The following CYTH1 variants were observed in gnomAD, a reference collection of about 807,000 sequenced individuals.
The protein encoded by CYTH1 is cytohesin 1.
CYTH1 carries 18 observed loss-of-function variants against 61.8 expected under a neutral mutation model. That is an observed-to-expected ratio of 0.29 (90% confidence interval 0.20 to 0.43). The LOEUF (loss-of-function observed/expected upper bound fraction) is 0.43. Among genes scored for constraint, CYTH1 ranks in the 20% least tolerant of loss-of-function variants. The pLI is 1.00. For synonymous variants in CYTH1, 174 were observed against 184.3 expected (o/e 0.94, Z 0.45); for missense variants, 336 against 510.5 (o/e 0.66, Z 3.29).
chr17:78,676,308 C>T lies in CYTH1; in HGVS notation c.1119-139G>A, dbSNP rs146850728. 1,870 of 722,956 alleles carry T rather than the reference C, an allele frequency of 2.6e-3. 27 individuals are homozygous for T. The African/African-American group carries it at 0.029, about 11-fold the overall frequency. 44.8% of individuals were successfully genotyped at this position (722,956 alleles called of 1,614,324 possible). A position where few individuals can be genotyped will look rare whatever the true frequency, so the allele number is the denominator to read the frequency against. On this transcript the variant is annotated intron_variant, in intron 13 of 13. Transcript: ENST00000446868. ...ACCATCACTGCAAAGGCCAAGTTAG[C>T]GTCCTCCACCCTTGCTGTGTCCACA...
intron 1 of CYTH1, among the ~76,000 whole-genome samples, chr17:78,749,383 C>G (rs1169084609): frequency 6.6e-6 from 1 of 152,096 alleles, no homozygotes; most frequent in Non-Finnish European, 1.5e-5. Flanking sequence ...TTGCTTGAAC[C>G]CAGGAGTCAG....
rs1178788272 is a variant in CYTH1 at position 78,760,401 on chromosome 17, ATATATGTG to A, written c.22+21793_22+21800del. Reference sequence around the variant, plus strand: ...TATATATATACACACACATACATATATATATGTGTATATATATATATATACACATACAT... The same window carrying A: ...TATATATATACACACACATACATATATATATATATATATATACACATACAT... On this transcript the variant is annotated intron_variant, in intron 1 of 13. Transcript: ENST00000446868. 7.9e-3 allele frequency among the ~76,000 whole-genome samples: 529 copies of A among 67,234 alleles called. 69 individuals are homozygous for A. Among genetic ancestry groups the A allele is most frequent in the Non-Finnish European group, 0.012 (377 of 32,724 alleles). The allele number at this position is 67,234 out of a possible 152,430, so 44.1% of individuals were successfully genotyped here.
chr17:78,711,954 C>T (rs971964296), intron 1 of CYTH1, among the ~76,000 whole-genome samples: 7 of 151,882 alleles, frequency 4.6e-5, no homozygotes, highest in Admixed American at 1.3e-4. Flanking sequence ...TGGCACATGC[C>T]TGTAGTTCCA....
intron 1 of CYTH1, among the ~76,000 whole-genome samples, chr17:78,735,521 C>A (rs1255052161): frequency 6.6e-6 from 1 of 152,232 alleles, no homozygotes; most frequent in Non-Finnish European, 1.5e-5. Flanking sequence ...TCACTACTGA[C>A]CCCTCTTCAG....
intron 10 of CYTH1, among the ~76,000 whole-genome samples, chr17:78,694,134 G>A (rs1333299469): frequency 2.6e-5 from 4 of 152,224 alleles, no homozygotes; most frequent in Non-Finnish European, 5.9e-5. Context: ...AATGTCCAGC[G>A]TAGGTCCTGG....
chr17:78,764,815 G>A (rs943383536), intron 1 of CYTH1, among the ~76,000 whole-genome samples: 3 of 152,076 alleles, frequency 2.0e-5, no homozygotes, highest in Non-Finnish European at 4.4e-5. Flanking sequence ...GCATGCACAT[G>A]GGATAGGGGA....
intron 1 of CYTH1, among the ~76,000 whole-genome samples, chr17:78,735,182 C>T (rs946147609): frequency 5.3e-5 from 8 of 152,176 alleles, no homozygotes; most frequent in Non-Finnish European, 1.0e-4. Context: ...TCTAAGCTCC[C>T]GGCCCCTAAC....
chr17:78,697,614 GA>G (rs397968699), intron 9 of CYTH1, among the ~76,000 whole-genome samples: 60 of 142,432 alleles, frequency 4.2e-4, no homozygotes, highest in Non-Finnish European at 5.5e-4. Flanking sequence ...AAAAAAAAAA[GA>G]AAAAAAAAAA....
intron 1 of CYTH1, among the ~76,000 whole-genome samples, chr17:78,765,451 A>T (rs536658208): frequency 6.6e-6 from 1 of 152,320 alleles, no homozygotes; most frequent in East Asian, 1.9e-4. Flanking sequence ...AAATCGCAGA[A>T]GTCTTTGTCA....
At chr17:78,767,877 T>C (rs2093455519) in intron 1 of CYTH1, among the ~76,000 whole-genome samples, 2 of 152,308 alleles carry the variant, frequency 1.3e-5, no homozygotes, top group South Asian at 4.1e-4. Flanking sequence ...TCAAACGTTC[T>C]CTTAATTTCA....
At chr17:78,775,180 G>A (rs751203743) in intron 1 of CYTH1, among the ~76,000 whole-genome samples, 5 of 152,328 alleles carry the variant, frequency 3.3e-5, no homozygotes, top group East Asian at 1.9e-4. Flanking sequence ...CACCTAACCC[G>A]GCACAGAAAC....
At chr17:78,727,715 T>C (rs1390738996) in intron 1 of CYTH1, 1 of 471,144 alleles carries the variant, frequency 2.1e-6, no homozygotes, top group Non-Finnish European at 4.4e-6. Flanking sequence ...GAGTGCATCC[T>C]TCTGGTGCCA....
At chr17:78,680,142 G>C in intron 13 of CYTH1, 48 bp downstream of exon 13, 3 of 1,606,958 alleles carry the variant, frequency 1.9e-6, no homozygotes, top group Non-Finnish European at 2.6e-6. Flanking sequence ...ACCTGGTGAG[G>C]TGAGGGCTGC....
intron 11 of CYTH1, among the ~76,000 whole-genome samples, chr17:78,689,719 A>G (rs2092857722): frequency 6.6e-6 from 1 of 152,186 alleles, no homozygotes; most frequent in Admixed American, 6.5e-5. Flanking sequence ...CCCAGTGAAT[A>G]TACAGTCTTG....
chr17:78,770,245 C>T (rs960550725), intron 1 of CYTH1, among the ~76,000 whole-genome samples: 5 of 150,052 alleles, frequency 3.3e-5, no homozygotes, highest in African/African-American at 1.2e-4. Flanking sequence ...AATTGCTTGA[C>T]CCGGGAGGTG....
rs1179130308 is a variant in CYTH1, at chr17:78,709,784, C to T, written c.23-52G>A. 6.4e-6 allele frequency: 10 copies of T among 1,567,650 alleles called. No individual in the cohort carries two copies. In the African/African-American group the frequency reaches 1.2e-4, roughly 19 times the overall value. ...AGAAAGCTTTTATCTCGCCAAAAAT[C>T]AAGGAAGATCCAGAGGCCACAAAAG... On this transcript the variant is annotated intron_variant, in intron 1 of 13. Coordinates refer to ENST00000446868, the MANE Select transcript of CYTH1 (RefSeq NM_004762.6).
At chr17:78,721,066 CG>C (rs2093224320) in intron 1 of CYTH1, among the ~76,000 whole-genome samples, 1 of 152,160 alleles carries the variant, frequency 6.6e-6, no homozygotes, top group African/African-American at 2.4e-5. Context: ...TGGTGGCTCA[CG>C]CCTTGTAATC....
chr17:78,691,223 C>T (rs2092882010), intron 11 of CYTH1: 1 of 152,260 alleles, frequency 6.6e-6, no homozygotes, highest in African/African-American at 2.4e-5. Context: ...CAGTGATTTA[C>T]TATCCTCAGT....
intron 13 of CYTH1, chr17:78,676,372 A>G (rs1487113454): frequency 1.7e-6 from 1 of 574,374 alleles, no homozygotes; most frequent in Non-Finnish European, 3.1e-6. Context: ...GAGACACAGG[A>G]ACACGTGACA....
Sources: gnomAD v4.1 joint callset for allele counts (sites outside exome capture counted in the v4.1 genomes callset) on GRCh38, gnomAD v4.1.1 for gene constraint, MANE v1.5 for transcripts, NCBI Gene and HGNC (gene_info 2026-07-23, HGNC 2026-07-21) for gene names.